Variants in RAP1GAP2 observed in about 807,000 individuals in gnomAD.
RAP1GAP2 encodes the protein RAP1 GTPase activating protein 2, also known as rap1 GTPase-activating protein 2.
A neutral mutation model predicts 95.0 loss-of-function variants in RAP1GAP2; 27 were observed. The observed-to-expected ratio is 0.28, with a 90% CI of 0.21 to 0.39. RAP1GAP2 has a LOEUF of 0.39. RAP1GAP2 is among the 10% of genes least tolerant of loss of function. The pLI, the probability that RAP1GAP2 is intolerant of heterozygous loss-of-function variation, is 1.00. For missense variants in RAP1GAP2, 771 were observed against 970.0 expected (o/e 0.79, Z 2.72); for synonymous variants, 373 against 380.9 (o/e 0.98, Z 0.24).
In RAP1GAP2 at chr17:2,796,467, C is replaced by A; in HGVS notation, c.-61C>A. 6.5e-7 allele frequency: 1 copy of A among 1,541,184 alleles called. No homozygotes were observed. The highest frequency in any genetic ancestry group is 8.8e-7 in the Non-Finnish European group (1 of 1,138,670). On this transcript the variant is annotated 5_prime_UTR_variant, in exon 1 of 25. Transcript: ENST00000254695. This position sits in a 1 kb window ranked among gnomAD's most constrained non-coding sequence, Gnocchi z 4.7. ...ACCCCGCTGTACCACGGCCCTCTTG[C>A]GGACAGCCCCGGGGACGTCGTTGGG...
At chr17:2,826,502 G>A (rs2070572909) in intron 2 of RAP1GAP2, among the ~76,000 whole-genome samples, 1 of 152,064 alleles carries the variant, frequency 6.6e-6, no homozygotes, top group Non-Finnish European at 1.5e-5. Flanking sequence ...CTGGAAGAGC[G>A]GGATGGGGGA....
chr17:2,912,275 C>G (rs1403406559), intron 3 of RAP1GAP2, among the ~76,000 whole-genome samples: 1 of 152,120 alleles, frequency 6.6e-6, no homozygotes, highest in Non-Finnish European at 1.5e-5. Flanking sequence ...ACCCACCGGC[C>G]ACCCTCTCTC....
At chr17:2,889,139 T>C (rs2073603501) in intron 2 of RAP1GAP2, among the ~76,000 whole-genome samples, 1 of 152,054 alleles carries the variant, frequency 6.6e-6, no homozygotes, top group Admixed American at 6.6e-5. Context: ...CTGTTTCTAG[T>C]GTTTTGAGGA....
chr17:2,823,075 T>G (rs2070381577), intron 2 of RAP1GAP2, among the ~76,000 whole-genome samples: 1 of 152,162 alleles, frequency 6.6e-6, no homozygotes, highest in Admixed American at 6.5e-5. Flanking sequence ...AAAAATGCTG[T>G]AAATGGGTGG....
chr17:3,020,298 A>C (rs781294601), intron 18 of RAP1GAP2, among the ~76,000 whole-genome samples, 179 bp from the exon 19 acceptor site: 2 of 152,176 alleles, frequency 1.3e-5, no homozygotes, highest in Non-Finnish European at 2.9e-5. Flanking sequence ...GGAGGCTGTG[A>C]CTGGCCTGAG....
At chr17:3,028,627 G>A (rs1342366950) in intron 22 of RAP1GAP2, among the ~76,000 whole-genome samples, 1 of 152,102 alleles carries the variant, frequency 6.6e-6, no homozygotes, top group Non-Finnish European at 1.5e-5. Flanking sequence ...TCCACAGCCA[G>A]TGACCCTTTG....
intron 12 of RAP1GAP2, among the ~76,000 whole-genome samples, chr17:2,993,975 G>A (rs2045868259): frequency 1.3e-5 from 2 of 152,234 alleles, no homozygotes; most frequent in Admixed American, 1.3e-4. Flanking sequence ...GAGCCCAGGA[G>A]GTTGAGGCTG....
At position 2,980,350 on chromosome 17, in the gene RAP1GAP2, C is replaced by T. The variant is rs2045313059; in HGVS notation, c.660C>T (p.Val220=). The T allele has an allele frequency of 6.2e-7, 1 of 1,613,776 alleles. No individual in the cohort carries two copies. ...CTGGACTGAGCAAGCTTCCCAGTGT[C>T]CCTCAGATTGCAAAGGTGAGAAACC... ...PLAGLSKLPS[V]PQIAKAFCDD... is the part of the protein sequence containing the mutation. Residue 220 remains valine (V), a synonymous_variant, in exon 9 of 25, where the codon GTC becomes GTT. Transcript: ENST00000254695.
chr17:2,834,252 T>G (rs2071034347), intron 2 of RAP1GAP2, among the ~76,000 whole-genome samples: 1 of 152,208 alleles, frequency 6.6e-6, no homozygotes, highest in African/African-American at 2.4e-5. Flanking sequence ...ATGTAAGTTC[T>G]GCCCTGAGGG....
chr17:3,026,990 T>C lies in RAP1GAP2; in HGVS notation c.2027T>C (p.Val676Ala), dbSNP rs989518287. ...TCACCCTTCAAGCAGGAGGTGTTTG[T>C]CTACAGCCCGTCCCCGAGCAGCGAG... ...TTSPFKQEVF[V>A]YSPSPSSESP... The change falls in exon 22 of 25, where the codon GTC becomes GCC. Residue 676 changes from valine (V) to alanine (A), a missense_variant. By Grantham distance (64) the Val-to-Ala change is moderately conservative. Transcript: ENST00000254695. 1.2e-5 allele frequency: 18 copies of C among 1,557,400 alleles called. No individual in the cohort carries two copies. Among genetic ancestry groups the C allele is most frequent in the Non-Finnish European group, 1.5e-5 (17 of 1,150,502 alleles).
chr17:2,869,903 C>T (rs1258460335), intron 2 of RAP1GAP2, among the ~76,000 whole-genome samples: 1 of 152,158 alleles, frequency 6.6e-6, no homozygotes, highest in Non-Finnish European at 1.5e-5. Context: ...CCAGGTGGAA[C>T]GTGGCTCCGG....
chr17:2,944,114 A>T (rs1394749461), intron 3 of RAP1GAP2, among the ~76,000 whole-genome samples: 1 of 145,746 alleles, frequency 6.9e-6, no homozygotes, highest in African/African-American at 2.6e-5. Context: ...GCGCCATTGC[A>T]CTCTAGCCTG....
At position 2,905,381 on chromosome 17, in the gene RAP1GAP2, G is replaced by A. The variant is rs781613548; in HGVS notation, c.165+13G>A. 39 of 1,611,850 alleles carry A rather than the reference G, an allele frequency of 2.4e-5. No homozygotes were observed. Among genetic ancestry groups the A allele is most frequent in the African/African-American group, 1.9e-4 (14 of 74,870 alleles). ...TCCCACCATGAAGGTAAGAGGCTTC[G>A]ATTCAGGAAGGCAGGGAGGGGAGAG... On this transcript the variant is annotated intron_variant, in intron 3 of 24. Coordinates refer to ENST00000254695, the MANE Select transcript of RAP1GAP2 (RefSeq NM_015085.5).
At chr17:2,886,174 T>A (rs796490002) in intron 2 of RAP1GAP2, among the ~76,000 whole-genome samples, 11,121 of 107,520 alleles carry the variant, frequency 0.1, 674 homozygotes, top group East Asian at 0.21. Context: ...TATATATATT[T>A]TTTTTTTTTT....
rs57099220 is a variant in RAP1GAP2 at position 3,021,430 on chromosome 17, CTTTTTTTTTTTTTTTTT to C, written c.1751+845_1751+861del. ...ATGAATGAGAACATGCGATATTTGT[CTTTTTTTTTTTTTTTTT>C]TTTTTTTTTGAGACAGAGTCTCTGT... On this transcript the variant is annotated intron_variant, in intron 19 of 24. Transcript: ENST00000254695. Among the ~76,000 whole-genome samples the C allele has an allele frequency of 1.0e-4, 10 of 95,778 alleles. No individual in the cohort carries two copies. The East Asian group carries it at 4.6e-3, about 44-fold the overall frequency. The allele number at this position is 95,778 out of a possible 152,430, so 62.8% of individuals were successfully genotyped here.
chr17:2,791,157 A>T (rs1236949194), intron 1 of RAP1GAP2, among the ~76,000 whole-genome samples: 1 of 152,190 alleles, frequency 6.6e-6, no homozygotes, highest in East Asian at 1.9e-4. Context: ...GTGAGCTGAG[A>T]TAGTGCCACT....
rs2072987655 is a variant in RAP1GAP2, at chr17:2,874,246, C to T, written c.81-31038C>T. Among the ~76,000 whole-genome samples the T allele has an allele frequency of 2.0e-5, 3 of 152,174 alleles. No individual in the cohort carries two copies. In the South Asian group the frequency reaches 6.2e-4, roughly 32 times the overall value. ...GGGAACAATGGGTACACCCTCCCTC[C>T]CCTTTCTCCCCTCTGCCAACTGGAC... is the stretch of plus-strand genomic sequence containing the variant. On this transcript the variant is annotated intron_variant, in intron 2 of 24. Coordinates refer to ENST00000254695, the MANE Select transcript of RAP1GAP2 (RefSeq NM_015085.5).
At chr17:2,913,359 G>T (rs1353666585) in intron 3 of RAP1GAP2, among the ~76,000 whole-genome samples, 4 of 151,962 alleles carry the variant, frequency 2.6e-5, no homozygotes, top group Non-Finnish European at 4.4e-5. Context: ...CGTAATCTCA[G>T]CTCACTGCAA....
At chr17:2,800,660 C>T in intron 2 of RAP1GAP2, 110 bp downstream of exon 2, 1 of 1,180,240 alleles carries the variant, frequency 8.5e-7, no homozygotes, top group Non-Finnish European at 1.2e-6. Context: ...TCGTGTTTGT[C>T]AGATTCCAGT....
Sources: allele counts gnomAD v4.1 joint callset (sites outside exome capture counted in the v4.1 genomes callset), GRCh38; gene constraint gnomAD v4.1.1; non-coding constraint Gnocchi (gnomAD v3.1); transcripts MANE v1.5; gene names NCBI Gene and HGNC (gene_info 2026-07-23, HGNC 2026-07-21).